DSE: variants seen among roughly 807,000 people sequenced by gnomAD.
The protein encoded by DSE is dermatan sulfate epimerase.
A neutral mutation model predicts 84.4 loss-of-function variants in DSE; 36 were observed. The ratio of observed to expected loss-of-function variants is 0.43; its 90% CI spans 0.33 to 0.56. DSE has a LOEUF of 0.56. Ranked by LOEUF, DSE falls within the 20% of genes least tolerant of loss-of-function variation. The pLI is 0.06. For missense variants in DSE, 862 were observed against 1,169.6 expected (o/e 0.74, Z 3.84); for synonymous variants, 410 against 430.1 (o/e 0.95, Z 0.58).
intron 2 of DSE, among the ~76,000 whole-genome samples, chr6:116,317,473 G>C (rs980283347): frequency 2.0e-5 from 3 of 152,160 alleles, no homozygotes; most frequent in African/African-American, 7.2e-5. Flanking sequence ...CTTTAACCTG[G>C]TTATTATCAG....
rs907339072 is a variant in DSE, at chr6:116,325,326, A to C, written c.-54+66359A>C. Among the ~76,000 whole-genome samples, 4 of 152,196 alleles carry C rather than the reference A, an allele frequency of 2.6e-5. No homozygotes were observed. In the East Asian group the frequency reaches 7.7e-4, roughly 29 times the overall value. ...ATGATTTTTGAAAAATGTCCACCAC[A>C]AGTTGTGATGTGCACTCCAGGATGA... is the stretch of plus-strand genomic sequence containing the variant. On this transcript the variant is annotated intron_variant, in intron 2 of 3. Coordinates refer to the DSE transcript ENST00000430252.
chr6:116,363,279 G>C (rs1779001713), intron 2 of DSE, among the ~76,000 whole-genome samples: 1 of 147,842 alleles, frequency 6.8e-6, no homozygotes, highest in African/African-American at 2.6e-5. Flanking sequence ...GTGTGTGCTT[G>C]TGTGTGTGTG....
At chr6:116,286,179 T>G (rs1454788952) in intron 2 of DSE, among the ~76,000 whole-genome samples, 1 of 152,226 alleles carries the variant, frequency 6.6e-6, no homozygotes, top group African/African-American at 2.4e-5. Flanking sequence ...CATTTGTTTG[T>G]GTCCTCTTTT....
chr6:116,361,718 T>C lies in DSE; in HGVS notation c.-53-37480T>C, dbSNP rs189797836. Among the ~76,000 whole-genome samples, 368 of 152,266 alleles carry C rather than the reference T, an allele frequency of 2.4e-3. 1 individual carries two copies. The highest frequency in any genetic ancestry group is 6.2e-3 in the South Asian group (30 of 4,816). On this transcript the variant is annotated intron_variant, in intron 2 of 3. Coordinates refer to the DSE transcript ENST00000430252. ...CCTCTGGCTGCTCTCCAAACTCTTATTTAGTCTTATCCAGTAGAAACACAT... is the reference window on the plus strand; with the variant it reads ...CCTCTGGCTGCTCTCCAAACTCTTACTTAGTCTTATCCAGTAGAAACACAT...
chr6:116,273,769 T>C (rs1323743260), intron 2 of DSE, among the ~76,000 whole-genome samples: 1 of 152,138 alleles, frequency 6.6e-6, no homozygotes, highest in Non-Finnish European at 1.5e-5. Flanking sequence ...TATGCTAGTA[T>C]TCAATAAACA....
chr6:116,318,762 T>C (rs1431672163), intron 2 of DSE, among the ~76,000 whole-genome samples: 2 of 152,314 alleles, frequency 1.3e-5, no homozygotes, highest in East Asian at 3.9e-4. Flanking sequence ...AAATATTTTT[T>C]GGAAGGAAAT....
chr6:116,310,602 T>C (rs1402756919), intron 2 of DSE, among the ~76,000 whole-genome samples: 1 of 152,128 alleles, frequency 6.6e-6, no homozygotes, highest in East Asian at 1.9e-4. Flanking sequence ...CTCTTTTTCC[T>C]TTTTTTCTAT....
intron 2 of DSE, among the ~76,000 whole-genome samples, chr6:116,358,200 A>AT (rs1778685605): frequency 6.6e-6 from 1 of 152,078 alleles, no homozygotes; most frequent in Non-Finnish European, 1.5e-5. Flanking sequence ...CTTGTAGGTG[A>AT]TTTTTTTGTT....
intron 3 of DSE, among the ~76,000 whole-genome samples, chr6:116,430,426 T>A (rs1195758134): frequency 6.6e-6 from 1 of 152,224 alleles, no homozygotes; most frequent in Middle Eastern, 3.2e-3. Flanking sequence ...AATATACAAA[T>A]CCTCTCTTGC....
intron 2 of DSE, among the ~76,000 whole-genome samples, chr6:116,337,805 CT>C (rs1554214461): frequency 1.6e-4 from 8 of 50,016 alleles, no homozygotes; most frequent in African/African-American, 5.8e-4. Context: ...TTACATACTT[CT>C]TATGACCATT....
At position 116,324,513 on chromosome 6, in the gene DSE, C is replaced by G. The variant is rs1776513133; in HGVS notation, c.-54+65546C>G. On this transcript the variant is annotated intron_variant, in intron 2 of 3. Coordinates refer to the DSE transcript ENST00000430252. ...CATGAGTTTTAGATCTTCATCAACA[C>G]AAAGGACAGGGAAAGCACAATTGCT... 3.3e-5 allele frequency among the ~76,000 whole-genome samples: 5 copies of G among 152,304 alleles called. No homozygotes were observed. The South Asian group carries it at 1.0e-3, about 32-fold the overall frequency.
chr6:116,258,348 C>A (rs2114589577), intron 1 of DSE: 2 of 581,888 alleles, frequency 3.4e-6, no homozygotes, highest in African/African-American at 3.7e-5. Context: ...CTTTATAACT[C>A]CCTTTTCCTT....
At position 116,279,957 on chromosome 6, in the gene DSE, A is replaced by C. The variant is rs1448229363; in HGVS notation, c.-54+20990A>C. The C allele has an allele frequency of 7.3e-6, 10 of 1,365,350 alleles. No homozygotes were observed. The East Asian group carries it at 2.1e-4, about 29-fold the overall frequency. The allele number at this position is 1,365,350 out of a possible 1,614,324, so 84.6% of individuals were successfully genotyped here. A position where few individuals can be genotyped will look rare whatever the true frequency, so the allele number is the denominator to read the frequency against. On this transcript the variant is annotated intron_variant, in intron 2 of 3. Transcript: ENST00000430252. The stretch of plus-strand genomic sequence containing the variant: ...ACATTTCAGCGGCGGTGTCGTCAGG[A>C]CTGGAGATCTCACGGTATCGCGAGA...
chr6:116,347,154 T>A (rs940901310), intron 2 of DSE, among the ~76,000 whole-genome samples: 1 of 152,166 alleles, frequency 6.6e-6, no homozygotes, highest in African/African-American at 2.4e-5. Context: ...TCCATGCTCA[T>A]GGATAGGAGG....
At chr6:116,399,137 C>G in intron 1 of DSE, 61 bp from the exon 2 acceptor site, 1 of 1,394,728 alleles carries the variant, frequency 7.2e-7, no homozygotes, top group Middle Eastern at 1.8e-4. Context: ...TTATATGTTT[C>G]CACACCTGTG....
chr6:116,259,958 A>G (rs1321137610), intron 2 of DSE, among the ~76,000 whole-genome samples: 1 of 152,182 alleles, frequency 6.6e-6, no homozygotes, highest in Non-Finnish European at 1.5e-5. Flanking sequence ...ATAGACATGC[A>G]TGTGTCTTTA....
intron 2 of DSE, among the ~76,000 whole-genome samples, chr6:116,289,790 C>T (rs901812345): frequency 7.2e-5 from 11 of 152,016 alleles, no homozygotes; most frequent in Non-Finnish European, 1.5e-4. Flanking sequence ...ACACTTCATC[C>T]ATTAGCTGAG....
chr6:116,355,641 A>G (rs1488748000), intron 2 of DSE: 1 of 152,176 alleles, frequency 6.6e-6, no homozygotes, highest in African/African-American at 2.4e-5. Context: ...GCTCAATTTG[A>G]TATGTTATCT....
At chr6:116,288,705 T>C (rs1294715800) in intron 2 of DSE, among the ~76,000 whole-genome samples, 1 of 152,158 alleles carries the variant, frequency 6.6e-6, no homozygotes. Context: ...TTTCAAGTAC[T>C]TATTAGCAAC....
Sources: allele counts gnomAD v4.1 joint callset (sites outside exome capture counted in the v4.1 genomes callset), GRCh38; gene constraint gnomAD v4.1.1; transcripts MANE v1.5; gene names NCBI Gene and HGNC (gene_info 2026-07-23, HGNC 2026-07-21).